The following OXNAD1 variants were observed in gnomAD, a reference collection of about 807,000 sequenced individuals.
OXNAD1 encodes oxidoreductase NAD binding domain containing 1.
A neutral mutation model predicts 32.9 loss-of-function variants in OXNAD1; 34 were observed. That is an observed-to-expected ratio of 1.03 (90% CI 0.79 to 1.38). The LOEUF is 1.38. OXNAD1 is among the 40% of genes most tolerant of loss of function. The pLI, the probability that OXNAD1 is intolerant of heterozygous loss-of-function variation, is 0.00. For synonymous variants in OXNAD1, 134 were observed against 135.2 expected (o/e 0.99, Z 0.06); for missense variants, 407 against 379.4 (o/e 1.07, Z -0.60).
chr3:16,281,544 C>G (rs536174863), intron 4 of OXNAD1, among the ~76,000 whole-genome samples: 1 of 152,202 alleles, frequency 6.6e-6, no homozygotes, highest in African/African-American at 2.4e-5. Context: ...TAAACACTTC[C>G]GGTCCAAGCA....
chr3:16,329,888 G>A lies in OXNAD1; in HGVS notation c.*31-7224G>A, dbSNP rs958941954. Among the ~76,000 whole-genome samples the A allele has an allele frequency of 2.0e-5, 3 of 152,080 alleles. No homozygotes were observed. The highest frequency in any genetic ancestry group is 7.2e-5 in the African/African-American group (3 of 41,402). On this transcript the variant is annotated intron_variant, in intron 9 of 9. Coordinates refer to the OXNAD1 transcript ENST00000435829. This position sits in a 1 kb window ranked among gnomAD's most constrained non-coding sequence, Gnocchi z 4.5. ...GTCCTTTTATTGGTGGCTGCATCTC[G>A]GGCCAGGTTTTCTCTGCGGGCACCC...
rs1575196157 is a variant in OXNAD1, at chr3:16,314,905, A to G, written c.*30+11313A>G. ...TCCTTTAAGATATGTGCCAAGAGAT[A>G]ATGTTTTTATTAAATCAAAATGCTG... On this transcript the variant is annotated intron_variant, in intron 9 of 9. Transcript: ENST00000435829. This position sits in a 1 kb window ranked among gnomAD's most constrained non-coding sequence, Gnocchi z 4.4. The G allele has an allele frequency of 1.3e-5, 2 of 152,318 alleles. No homozygotes were observed. Among genetic ancestry groups the G allele is most frequent in the Admixed American group, 1.3e-4 (2 of 15,308 alleles). The allele number at this position is 152,318 out of a possible 1,614,324, so 9.4% of individuals were successfully genotyped here. A position where few individuals can be genotyped will look rare whatever the true frequency, so the allele number is the denominator to read the frequency against.
chr3:16,324,340 GT>G (rs1431374867), intron 9 of OXNAD1, among the ~76,000 whole-genome samples: 5 of 152,086 alleles, frequency 3.3e-5, no homozygotes, highest in Non-Finnish European at 7.4e-5. Flanking sequence ...AGGCATTATT[GT>G]TTATAATAGT....
Position 16,290,174 on chromosome 3 carries a change from G to C in OXNAD1, c.290+3726G>C. ...CATCCACTGCTTCACCGCGCACCTA[G>C]GCTCCTTCTGCATACACTCACTCAT... is the stretch of plus-strand genomic sequence containing the variant. On this transcript the variant is annotated intron_variant, in intron 5 of 8. Coordinates refer to ENST00000285083, the MANE Select transcript of OXNAD1 (RefSeq NM_138381.5). The surrounding 1 kb of genome is among the most constrained non-coding windows in gnomAD (Gnocchi z 4.2). Among the ~76,000 whole-genome samples, 1 of 152,172 alleles carries C rather than the reference G, an allele frequency of 6.6e-6. No individual in the cohort carries two copies. The highest frequency in any genetic ancestry group is 1.5e-5 in the Non-Finnish European group (1 of 68,024).
At chr3:16,308,721 GC>G (rs997442147), downstream of OXNAD1, among the ~76,000 whole-genome samples, 32 of 152,176 alleles carry the variant, frequency 2.1e-4, 1 homozygote, top group African/African-American at 7.5e-4. This position sits in a 1 kb window ranked among gnomAD's most constrained non-coding sequence, Gnocchi z 4.4. Context: ...AATGTTTCGT[GC>G]CCAGAAATCC....
rs2071390585 is a variant in OXNAD1, at chr3:16,342,629, G to A, written c.*31-6547G>A. Among the ~76,000 whole-genome samples, 1 of 152,172 alleles carries A rather than the reference G, an allele frequency of 6.6e-6. No individual in the cohort carries two copies. On this transcript the variant is annotated intron_variant, in intron 9 of 9. Transcript: ENST00000606098. This position sits in a 1 kb window ranked among gnomAD's most constrained non-coding sequence, Gnocchi z 4.0. ...GATCACTTTTATAAAAATAAAAAAA[G>A]TTATAAGAATGAAAGCAGAGGCCTC...
Position 16,346,529 on chromosome 3 carries a change from G to T in OXNAD1, c.*31-2647G>T, listed in dbSNP as rs995365501. ...CATCCTGCCTTGCTAGTCCCCCTCA[G>T]TGGCACATTCTGTTGGCTGCCAAAG... On this transcript the variant is annotated intron_variant, in intron 9 of 9. Transcript: ENST00000606098. The surrounding 1 kb of genome is among the most constrained non-coding windows in gnomAD (Gnocchi z 4.4). 4 of 152,122 alleles carry T rather than the reference G, an allele frequency of 2.6e-5. No individual in the cohort carries two copies. Among genetic ancestry groups the T allele is most frequent in the African/African-American group, 9.7e-5 (4 of 41,404 alleles). 9.4% of individuals were successfully genotyped at this position (152,122 alleles called of 1,614,324 possible). A position where few individuals can be genotyped will look rare whatever the true frequency, so the allele number is the denominator to read the frequency against.
chr3:16,316,969 C>A lies in OXNAD1; in HGVS notation c.*30+13377C>A, dbSNP rs759115332. On this transcript the variant is annotated intron_variant, in intron 9 of 9. Coordinates refer to the OXNAD1 transcript ENST00000435829. The surrounding 1 kb of genome is among the most constrained non-coding windows in gnomAD (Gnocchi z 4.5). ...CAGGACCATTCTGCACAGCCTCACC[C>A]TCCACACCCACCCCACACAGCAGGC... 1 of 1,614,062 alleles carries A rather than the reference C, an allele frequency of 6.2e-7. No individual in the cohort carries two copies. Among genetic ancestry groups the A allele is most frequent in the Non-Finnish European group, 8.5e-7 (1 of 1,180,024 alleles).
chr3:16,342,444 T>C lies in OXNAD1; in HGVS notation c.*31-6732T>C, dbSNP rs1286016688. Among the ~76,000 whole-genome samples, 1 of 152,246 alleles carries C rather than the reference T, an allele frequency of 6.6e-6. No homozygotes were observed. Among genetic ancestry groups the C allele is most frequent in the East Asian group, 1.9e-4 (1 of 5,206 alleles). On this transcript the variant is annotated intron_variant, in intron 9 of 9. Coordinates refer to the OXNAD1 transcript ENST00000606098. This position sits in a 1 kb window ranked among gnomAD's most constrained non-coding sequence, Gnocchi z 4.0. The stretch of plus-strand genomic sequence containing the variant: ...GTTTATTCATCATTTGATGAACATT[T>C]AAGTTGTTTCTACTTTTTGGACATT...
Position 16,294,925 on chromosome 3 carries a change from A to G in OXNAD1, c.360A>G (p.Leu120=). 1 of 1,613,738 alleles carries G rather than the reference A, an allele frequency of 6.2e-7. No homozygotes were observed. The highest frequency in any genetic ancestry group is 2.2e-5 in the East Asian group (1 of 44,878). ...GFSICSSPRL[L]EQERVIELAV... Reference sequence around the variant, plus strand: ...CAATATGCTCCAGTCCCAGACTGCTAGAACAAGAGAGAGTGATAGAATTGG... The same window carrying G: ...CAATATGCTCCAGTCCCAGACTGCTGGAACAAGAGAGAGTGATAGAATTGG... The change falls in exon 6 of 9, where the codon CTA becomes CTG. Residue 120 remains leucine (L), a synonymous_variant. Transcript: ENST00000285083.
rs1389807411 is a variant in OXNAD1, at chr3:16,304,914, A to G, written c.*1352A>G. 1 of 152,274 alleles carries G rather than the reference A, an allele frequency of 6.6e-6. No homozygotes were observed. The highest frequency in any genetic ancestry group is 2.4e-5 in the African/African-American group (1 of 41,468). 9.4% of individuals were successfully genotyped at this position (152,274 alleles called of 1,614,324 possible). On this transcript the variant is annotated 3_prime_UTR_variant, in exon 9 of 9. Transcript: ENST00000285083. This position sits in a 1 kb window ranked among gnomAD's most constrained non-coding sequence, Gnocchi z 4.6. ...TTCTGCCCAGTTTTGAGTTTTGTCA[A>G]GTTTTAAGCAGAGATCATTTGTCAA...
At chr3:16,324,212 G>T (rs1406056379) in intron 9 of OXNAD1, among the ~76,000 whole-genome samples, 2 of 151,904 alleles carry the variant, frequency 1.3e-5, no homozygotes, top group Non-Finnish European at 2.9e-5. Flanking sequence ...TTTGATATAT[G>T]TTTACAATGT....
chr3:16,280,356 T>C lies in OXNAD1; in HGVS notation c.184-5986T>C, dbSNP rs2065654854. On this transcript the variant is annotated intron_variant, in intron 4 of 8. Transcript: ENST00000285083. The surrounding 1 kb of genome is among the most constrained non-coding windows in gnomAD (Gnocchi z 4.5). ...TGAGTTTACTTGTCATTCTAGGGCA[T>C]AGTGTTAACCAGCATAAGCCATTTA... is the stretch of plus-strand genomic sequence containing the variant. Among the ~76,000 whole-genome samples the C allele has an allele frequency of 6.6e-6, 1 of 152,186 alleles. No individual in the cohort carries two copies. The highest frequency in any genetic ancestry group is 1.5e-5 in the Non-Finnish European group (1 of 68,028).
At chr3:16,350,135 G>A (rs2071993195) in exon 10 of OXNAD1, 2 of 152,262 alleles carry the variant, frequency 1.3e-5, no homozygotes, top group Admixed American at 1.3e-4. Flanking sequence ...AACCATCACA[G>A]GACAATTCTG....
At chr3:16,281,148 G>T (rs1028895876) in intron 4 of OXNAD1, among the ~76,000 whole-genome samples, 1 of 152,180 alleles carries the variant, frequency 6.6e-6, no homozygotes, top group East Asian at 1.9e-4. Context: ...AAAAGATTTC[G>T]TTGATGTTTT....
Position 16,301,270 on chromosome 3 carries a change from T to G in OXNAD1, c.433-356T>G, listed in dbSNP as rs147116527. Among the ~76,000 whole-genome samples, 228 of 152,302 alleles carry G rather than the reference T, an allele frequency of 1.5e-3. No individual in the cohort carries two copies. The highest frequency in any genetic ancestry group is 5.3e-3 in the African/African-American group (221 of 41,564). On this transcript the variant is annotated intron_variant, in intron 6 of 8. Transcript: ENST00000285083. The surrounding 1 kb of genome is among the most constrained non-coding windows in gnomAD (Gnocchi z 4.1). ...TTTGGTTAGAACACAGGAACACAAC[T>G]CAGATAAAGGAGACCCATACTTCAG...
chr3:16,323,964 G>A (rs1405622238), intron 9 of OXNAD1, among the ~76,000 whole-genome samples: 2 of 152,182 alleles, frequency 1.3e-5, no homozygotes, highest in African/African-American at 4.8e-5. Context: ...GCCCTGCAAG[G>A]CAGTGCCTGT....
Position 16,312,232 on chromosome 3 carries a change from T to C in OXNAD1, c.*30+8640T>C, listed in dbSNP as rs2068028272. On this transcript the variant is annotated intron_variant, in intron 9 of 9. Coordinates refer to the OXNAD1 transcript ENST00000435829. The surrounding 1 kb of genome is among the most constrained non-coding windows in gnomAD (Gnocchi z 4.7). ...CATTGGGTCTTGTCCTTAGATCTCATGTCCACACACTTCCCTGTTCAAAAC... is the reference window on the plus strand; with the variant it reads ...CATTGGGTCTTGTCCTTAGATCTCACGTCCACACACTTCCCTGTTCAAAAC... Among the ~76,000 whole-genome samples the C allele has an allele frequency of 6.6e-6, 1 of 152,176 alleles. No homozygotes were observed. The highest frequency in any genetic ancestry group is 2.4e-5 in the African/African-American group (1 of 41,446).
rs1258531481 is a variant in OXNAD1 at position 16,348,799 on chromosome 3, A to C, written c.*31-377A>C. ...TTTTTATGTACTCTTTCATGGATTA[A>C]GTCCAGCCCACCTGCCCCACTGGGA... On this transcript the variant is annotated intron_variant, in intron 9 of 9. Transcript: ENST00000606098. The surrounding 1 kb of genome is among the most constrained non-coding windows in gnomAD (Gnocchi z 6.3). Among the ~76,000 whole-genome samples the C allele has an allele frequency of 6.6e-6, 1 of 152,196 alleles. No homozygotes were observed. The highest frequency in any genetic ancestry group is 1.5e-5 in the Non-Finnish European group (1 of 68,038).
Sources: allele counts gnomAD v4.1 joint callset (sites outside exome capture counted in the v4.1 genomes callset), GRCh38; gene constraint gnomAD v4.1.1; non-coding constraint Gnocchi (gnomAD v3.1); transcripts MANE v1.5; gene names NCBI Gene and HGNC (gene_info 2026-07-23, HGNC 2026-07-21).